Variants in ONECUT1 observed in about 807,000 individuals in gnomAD.
The protein encoded by ONECUT1 is hepatocyte nuclear factor 6.
A neutral mutation model predicts 25.6 loss-of-function variants in ONECUT1; 12 were observed. That is an observed-to-expected ratio of 0.47 (90% confidence interval 0.30 to 0.76). ONECUT1 has a LOEUF of 0.76. Ranked by LOEUF, ONECUT1 falls within the 30% of genes least tolerant of loss-of-function variation. ONECUT1 has a pLI of 0.07. For synonymous variants in ONECUT1, 285 were observed against 270.2 expected (o/e 1.05, Z -0.54); for missense variants, 620 against 651.2 (o/e 0.95, Z 0.52).
At chr15:52,763,902 T>C (rs544049236) in intron 1 of ONECUT1, among the ~76,000 whole-genome samples, 39 of 152,362 alleles carry the variant, frequency 2.6e-4, no homozygotes, top group African/African-American at 9.4e-4. Flanking sequence ...ATATTTTTTA[T>C]TGTATTATCA....
intron 1 of ONECUT1, among the ~76,000 whole-genome samples, chr15:52,777,720 ACACACACAC>A (rs1370790753): frequency 1.7e-5 from 2 of 114,350 alleles, no homozygotes; most frequent in East Asian, 6.2e-4. Context: ...ACACACACAC[ACACACACAC>A]ACACACACAA....
chr15:52,761,214 G>C (rs1302436361), intron 1 of ONECUT1, among the ~76,000 whole-genome samples: 2 of 152,078 alleles, frequency 1.3e-5, no homozygotes, highest in African/African-American at 2.4e-5. Flanking sequence ...GGCTATTTTT[G>C]CACCTACATT....
chr15:52,764,805 C>A (rs1350298618), intron 1 of ONECUT1, among the ~76,000 whole-genome samples: 1 of 152,192 alleles, frequency 6.6e-6, no homozygotes, highest in Admixed American at 6.5e-5. Flanking sequence ...AAAACTGCAA[C>A]CCCTCAGTAG....
At chr15:52,780,779 A>T (rs1449583540) in intron 1 of ONECUT1, 7 of 1,417,060 alleles carry the variant, frequency 4.9e-6, no homozygotes, top group Non-Finnish European at 6.4e-6. Context: ...AGCAAAAAGC[A>T]CATAGTTTAT....
At chr15:52,762,917 T>C (rs945179712) in intron 1 of ONECUT1, among the ~76,000 whole-genome samples, 7 of 151,836 alleles carry the variant, frequency 4.6e-5, no homozygotes, top group Non-Finnish European at 1.0e-4. Flanking sequence ...GATTACCCAT[T>C]GTAAGGTAGG....
At chr15:52,767,644 A>G (rs2083742505) in intron 1 of ONECUT1, among the ~76,000 whole-genome samples, 1 of 152,160 alleles carries the variant, frequency 6.6e-6, no homozygotes, top group Non-Finnish European at 1.5e-5. Flanking sequence ...TGCGCCTGCT[A>G]GTTTGGTCAG....
rs533125542 is a variant in ONECUT1 at position 52,784,021 on chromosome 15, A to C, written c.1105+4759T>G. 6.6e-6 allele frequency among the ~76,000 whole-genome samples: 1 copy of C among 152,240 alleles called. No homozygotes were observed. The highest frequency in any genetic ancestry group is 2.4e-5 in the African/African-American group (1 of 41,464). On this transcript the variant is annotated intron_variant, in intron 1 of 1. Transcript: ENST00000305901. This position sits in a 1 kb window ranked among gnomAD's most constrained non-coding sequence, Gnocchi z 5.0. ...TTCTAAAAACAAAGGCGCAGCAAGC[A>C]TCCCTTTCTTCGCTGCCGCGGGCTG...
In ONECUT1 at chr15:52,755,486, A is replaced by AATAC. The variant is rs2141441568; in HGVS notation, c.*2068_*2069insGTAT. The stretch of plus-strand genomic sequence containing the variant: ...TCAAGGCAAATGAAGTATTTCATCA[A>AATAC]AAGAGAAGTATATGTTGGTTTCCTC... On this transcript the variant is annotated 3_prime_UTR_variant, in exon 2 of 2. Transcript: ENST00000305901. Among the ~76,000 whole-genome samples the AATAC allele has an allele frequency of 6.6e-6, 1 of 152,364 alleles. No individual in the cohort carries two copies. Among genetic ancestry groups the AATAC allele is most frequent in the Non-Finnish European group, 1.5e-5 (1 of 68,030 alleles).
chr15:52,767,188 C>G (rs1384423896), intron 1 of ONECUT1, among the ~76,000 whole-genome samples: 1 of 152,130 alleles, frequency 6.6e-6, no homozygotes, highest in Non-Finnish European at 1.5e-5. Context: ...GCACAGGGCC[C>G]CATGACAGCA....
intron 1 of ONECUT1, among the ~76,000 whole-genome samples, chr15:52,786,193 A>G (rs952546333): frequency 2.0e-5 from 3 of 152,240 alleles, no homozygotes; most frequent in African/African-American, 7.2e-5. Context: ...GATCATTTGG[A>G]AAGTTCAGAA....
chr15:52,790,107 C>G lies in ONECUT1; in HGVS notation c.-223G>C. ...TGTGTCTCGCCTTCCCTCTTACCCCCCACCTTCCCCTCTGCGTCCTCGGCT... is the reference window on the plus strand; with the variant it reads ...TGTGTCTCGCCTTCCCTCTTACCCCGCACCTTCCCCTCTGCGTCCTCGGCT... On this transcript the variant is annotated 5_prime_UTR_variant, in exon 1 of 2. Transcript: ENST00000305901. The G allele has an allele frequency of 1.8e-6, 1 of 550,470 alleles. No homozygotes were observed. The highest frequency in any genetic ancestry group is 2.7e-6 in the Non-Finnish European group (1 of 365,562). The allele number at this position is 550,470 out of a possible 1,614,324, so 34.1% of individuals were successfully genotyped here.
At chr15:52,775,182 T>C (rs1393575476) in intron 1 of ONECUT1, among the ~76,000 whole-genome samples, 4 of 98,092 alleles carry the variant, frequency 4.1e-5, no homozygotes, top group Non-Finnish European at 7.9e-5. Context: ...AGAGCAAGAC[T>C]GTCTAAAAAA....
intron 1 of ONECUT1, chr15:52,786,901 C>T (rs1201336762): frequency 6.6e-6 from 1 of 152,422 alleles, no homozygotes; most frequent in Non-Finnish European, 1.5e-5. Flanking sequence ...TTTCTATCTT[C>T]TTCCCACATT....
chr15:52,760,247 G>A (rs547432401), intron 1 of ONECUT1, among the ~76,000 whole-genome samples: 10 of 152,250 alleles, frequency 6.6e-5, no homozygotes, highest in African/African-American at 2.4e-4. Flanking sequence ...TCCTGAGCCA[G>A]GTGAGAGTCT....
At chr15:52,766,369 G>A (rs1028503592) in intron 1 of ONECUT1, among the ~76,000 whole-genome samples, 2 of 152,082 alleles carry the variant, frequency 1.3e-5, no homozygotes, top group African/African-American at 4.8e-5. Flanking sequence ...GAAACATCAT[G>A]GAAACTTTCC....
At chr15:52,779,288 C>A (rs1405275207) in intron 1 of ONECUT1, among the ~76,000 whole-genome samples, 1 of 151,862 alleles carries the variant, frequency 6.6e-6, no homozygotes, top group African/African-American at 2.4e-5. Flanking sequence ...CAGGGTTTCA[C>A]CCTGTTGGCC....
At chr15:52,761,532 A>G (rs969044716) in intron 1 of ONECUT1, among the ~76,000 whole-genome samples, 2 of 152,124 alleles carry the variant, frequency 1.3e-5, no homozygotes, top group Non-Finnish European at 2.9e-5. Flanking sequence ...TTAGCAGGGC[A>G]TGGTGGCAGG....
rs537563227 is a variant in ONECUT1, at chr15:52,784,120, G to A, written c.1105+4660C>T. Among the ~76,000 whole-genome samples the A allele has an allele frequency of 6.6e-6, 1 of 152,270 alleles. No homozygotes were observed. Among genetic ancestry groups the A allele is most frequent in the East Asian group, 1.9e-4 (1 of 5,184 alleles). On this transcript the variant is annotated intron_variant, in intron 1 of 1. Coordinates refer to ENST00000305901, the MANE Select transcript of ONECUT1 (RefSeq NM_004498.4). The surrounding 1 kb of genome is among the most constrained non-coding windows in gnomAD (Gnocchi z 5.0). ...GCGCGCCGCAGCCGCAGCACAGCCC[G>A]GCTACCCCCAGAAAGGGAGCCGAAT...
Position 52,788,871 on chromosome 15 carries a change from G to T in ONECUT1, c.1014C>A (p.Ser338Arg). ...SDLLRNPKPW[S>R]KLKSGRETFR... The stretch of plus-strand genomic sequence containing the variant: ...AGGTCTCCCGGCCGGATTTGAGTTT[G>T]CTCCAGGGTTTGGGGTTGCGCAGCA... The change falls in exon 1 of 2, where the codon AGC (serine) becomes AGA (arginine). Residue 338 changes from serine (S) to arginine (R), a missense_variant. Physicochemically the swap from Ser to Arg is moderately radical, Grantham distance 110. Transcript: ENST00000305901. The surrounding 1 kb of genome is among the most constrained non-coding windows in gnomAD (Gnocchi z 4.3). 1 of 1,614,170 alleles carries T rather than the reference G, an allele frequency of 6.2e-7. No homozygotes were observed. Among genetic ancestry groups the T allele is most frequent in the Non-Finnish European group, 8.5e-7 (1 of 1,180,032 alleles).
Sources: gnomAD v4.1 joint callset for allele counts (sites outside exome capture counted in the v4.1 genomes callset) on GRCh38, gnomAD v4.1.1 for gene constraint, Gnocchi (gnomAD v3.1) non-coding constraint, MANE v1.5 for transcripts, NCBI Gene and HGNC (gene_info 2026-07-23, HGNC 2026-07-21) for gene names.